PCDHGB3: variants seen among roughly 807,000 people sequenced by gnomAD.
PCDHGB3 encodes protocadherin gamma-B3.
PCDHGB3 carries 40 observed loss-of-function variants against 59.2 expected under a neutral mutation model. The observed-to-expected ratio is 0.68, with a 90% CI of 0.52 to 0.88. The LOEUF (loss-of-function observed/expected upper bound fraction) is 0.88. Ranked by LOEUF, PCDHGB3 falls within the 40% of genes least tolerant of loss-of-function variation. The probability of loss-of-function intolerance (pLI) is 0.00; values close to 1 mark genes in which losing one functional copy is unlikely to be tolerated. For synonymous variants in PCDHGB3, 581 were observed against 503.6 expected (o/e 1.15, Z -2.06); for missense variants, 1,309 against 1,187.9 (o/e 1.10, Z -1.50).
chr5:141,452,463 G>A (rs2098741767), intron 1 of PCDHGB3, among the ~76,000 whole-genome samples: 1 of 152,160 alleles, frequency 6.6e-6, no homozygotes, highest in African/African-American at 2.4e-5. Flanking sequence ...AGCAGACGGA[G>A]CTAGGAAAAA....
chr5:141,494,762 A>G (rs770570158), intron 1 of PCDHGB3, 45 bp from the exon 2 acceptor site: 1 of 1,613,200 alleles, frequency 6.2e-7, no homozygotes, highest in South Asian at 1.1e-5. Flanking sequence ...TGACATTCTA[A>G]CTTCTCACGG....
rs1264688160 is a variant in PCDHGB3, at chr5:141,493,193, G to A, written c.2416-1614G>A. 6.6e-6 allele frequency among the ~76,000 whole-genome samples: 1 copy of A among 152,128 alleles called. No individual in the cohort carries two copies. On this transcript the variant is annotated intron_variant, in intron 1 of 3. Transcript: ENST00000576222. This position sits in a 1 kb window ranked among gnomAD's most constrained non-coding sequence, Gnocchi z 4.3. ...GAGAAACTTACTATATAACTCCTTT[G>A]AGAACCTCATCTCATTTGCTCTTCC...
At chr5:141,425,379 G>A (rs1330938768) in intron 1 of PCDHGB3, among the ~76,000 whole-genome samples, 7 of 152,152 alleles carry the variant, frequency 4.6e-5, no homozygotes, top group African/African-American at 4.8e-5. Context: ...ATGTTGATTC[G>A]GAGGTAGTGA....
At chr5:141,459,693 C>A (rs1014443574) in intron 1 of PCDHGB3, among the ~76,000 whole-genome samples, 1 of 152,210 alleles carries the variant, frequency 6.6e-6, no homozygotes, top group African/African-American at 2.4e-5. Flanking sequence ...AAGCGTTCCG[C>A]TTGCTACATT....
At position 141,476,251 on chromosome 5, in the gene PCDHGB3, C is replaced by T; in HGVS notation, c.2416-18556C>T. On this transcript the variant is annotated intron_variant, in intron 1 of 3. Coordinates refer to ENST00000576222, the MANE Select transcript of PCDHGB3 (RefSeq NM_018924.5). This position sits in a 1 kb window ranked among gnomAD's most constrained non-coding sequence, Gnocchi z 7.6. The stretch of plus-strand genomic sequence containing the variant: ...TCCCGGAGGAAAGAGAGAAGGGTTT[C>T]GCTGTGGGCAACGTGGTCGCGAACC... 1 of 1,613,866 alleles carries T rather than the reference C, an allele frequency of 6.2e-7. No homozygotes were observed. The highest frequency in any genetic ancestry group is 8.5e-7 in the Non-Finnish European group (1 of 1,179,978).
At chr5:141,415,504 C>A in intron 1 of PCDHGB3, 2 of 1,614,216 alleles carry the variant, frequency 1.2e-6, no homozygotes, top group Non-Finnish European at 1.7e-6. Context: ...CTTCCCCCAG[C>A]CCAATTATGC....
chr5:141,371,694 T>A lies in PCDHGB3; in HGVS notation c.1300T>A (p.Ser434Thr), dbSNP rs1409788183. 6.8e-6 allele frequency: 11 copies of A among 1,613,912 alleles called. No homozygotes were observed. The Admixed American group carries it at 1.7e-4, about 24-fold the overall frequency. ...CGACAAAGGCAATCCACCGCTCTCC[T>A]CCAGCAAGACCATCACTCTGCACAT... The part of the protein sequence containing the change: ...ATDKGNPPLS[S>T]SKTITLHILD... The change falls in exon 1 of 4, where the codon TCC becomes ACC. Residue 434 changes from serine (S) to threonine (T), a missense_variant. Physicochemically the swap from Ser to Thr is moderately conservative, Grantham distance 58. Coordinates refer to ENST00000576222, the MANE Select transcript of PCDHGB3 (RefSeq NM_018924.5).
intron 1 of PCDHGB3, chr5:141,416,995 T>G (rs912921234): frequency 2.0e-5 from 3 of 151,486 alleles, no homozygotes; most frequent in Non-Finnish European, 2.9e-5. Flanking sequence ...TGTGCATTCA[T>G]CTCAAATAAT....
At position 141,487,763 on chromosome 5, in the gene PCDHGB3, G is replaced by A; in HGVS notation, c.2416-7044G>A. ...AAGAGGTAACTATGTGGTAGACGCT[G>A]TGCTTTGTAACTGTTTCGTGAATTA... On this transcript the variant is annotated intron_variant, in intron 1 of 3. Coordinates refer to ENST00000576222, the MANE Select transcript of PCDHGB3 (RefSeq NM_018924.5). This position sits in a 1 kb window ranked among gnomAD's most constrained non-coding sequence, Gnocchi z 5.0. 6.5e-7 allele frequency: 1 copy of A among 1,544,968 alleles called. No homozygotes were observed. The highest frequency in any genetic ancestry group is 1.2e-5 in the South Asian group (1 of 83,382).
At chr5:141,502,203 C>G (rs1562205141) in intron 2 of PCDHGB3, among the ~76,000 whole-genome samples, 1 of 152,122 alleles carries the variant, frequency 6.6e-6, no homozygotes. Context: ...ATAGAATCCA[C>G]CAGCAGATTT....
intron 1 of PCDHGB3, chr5:141,388,986 A>G (rs756279125): frequency 2.5e-6 from 4 of 1,613,952 alleles, no homozygotes; most frequent in Non-Finnish European, 3.4e-6. Flanking sequence ...TGCTTTGCTC[A>G]AAGTCCGTGA....
chr5:141,415,507 A>G, intron 1 of PCDHGB3: 1 of 1,614,156 alleles, frequency 6.2e-7, no homozygotes, highest in Admixed American at 1.7e-5. Context: ...CCCCCAGCCC[A>G]ATTATGCGGA....
At chr5:141,389,985 T>C (rs754723585) in intron 1 of PCDHGB3, 5 of 1,614,006 alleles carry the variant, frequency 3.1e-6, no homozygotes, top group Non-Finnish European at 4.2e-6. Flanking sequence ...CTCAGTGCTC[T>C]TCCTCGTGGC....
intron 1 of PCDHGB3, among the ~76,000 whole-genome samples, chr5:141,380,921 T>G (rs1014548780): frequency 6.6e-6 from 1 of 152,238 alleles, no homozygotes; most frequent in African/African-American, 2.4e-5. Flanking sequence ...CATTGTTTAA[T>G]AATCATACAC....
intron 1 of PCDHGB3, chr5:141,404,730 C>G: frequency 6.2e-7 from 1 of 1,613,984 alleles, no homozygotes; most frequent in East Asian, 2.2e-5. Context: ...AAGGTGGTGG[C>G]AGTGGACAGA....
Position 141,379,889 on chromosome 5 carries a change from C to CTTTTTTTTTTTTTTTTTTTTTTTTTTT in PCDHGB3, c.2415+7084_2415+7110dup, listed in dbSNP as rs70988800. Among the ~76,000 whole-genome samples the CTTTTTTTTTTTTTTTTTTTTTTTTTTT allele has an allele frequency of 2.4e-4, 12 of 50,832 alleles. 1 individual carries two copies. The highest frequency in any genetic ancestry group is 4.0e-4 in the African/African-American group (6 of 15,086). 33.3% of individuals were successfully genotyped at this position (50,832 alleles called of 152,430 possible). A position where few individuals can be genotyped will look rare whatever the true frequency, so the allele number is the denominator to read the frequency against. On this transcript the variant is annotated intron_variant, in intron 1 of 3. Coordinates refer to ENST00000576222, the MANE Select transcript of PCDHGB3 (RefSeq NM_018924.5). ...CTTATTTTATGGTCTGTGAAAGCCT[C>CTTTTTTTTTTTTTTTTTTTTTTTTTTT]TTTTTTTTTTTTTTTTTTTTTTTTT...
At chr5:141,427,901 G>C (rs2097088177) in intron 1 of PCDHGB3, 6 of 1,572,234 alleles carry the variant, frequency 3.8e-6, no homozygotes, top group East Asian at 2.2e-5. Flanking sequence ...GCTCGCCCGC[G>C]CTCAGCGCCA....
intron 1 of PCDHGB3, among the ~76,000 whole-genome samples, chr5:141,435,412 T>C (rs2097761991): frequency 6.6e-6 from 1 of 152,222 alleles, no homozygotes; most frequent in Non-Finnish European, 1.5e-5. Flanking sequence ...TGGTAAAGAC[T>C]ATTTTTCACT....
intron 1 of PCDHGB3, chr5:141,403,591 G>A (rs1377998886): frequency 2.5e-6 from 4 of 1,613,836 alleles, no homozygotes; most frequent in East Asian, 2.2e-5. Context: ...TGGTCCTCAC[G>A]GCCTCGGATG....
Sources: allele counts gnomAD v4.1 joint callset (sites outside exome capture counted in the v4.1 genomes callset), GRCh38; gene constraint gnomAD v4.1.1; non-coding constraint Gnocchi (gnomAD v3.1); transcripts MANE v1.5; gene names NCBI Gene and HGNC (gene_info 2026-07-23, HGNC 2026-07-21).